The following SPATA31H1 variants were observed in gnomAD, a reference collection of about 807,000 sequenced individuals.
SPATA31H1 encodes the protein spermatogenesis-associated protein 31H1.
At chr2:27,569,131 A>G in the SPATA31H1 span, 1 of 399,004 alleles carries the variant, frequency 2.5e-6, no homozygotes, top group Non-Finnish European at 4.4e-6. Flanking sequence ...AAGACAATGC[A>G]CCAACTTGGA....
At chr2:27,580,474 G>C in the SPATA31H1 span, 1 of 1,614,092 alleles carries the variant, frequency 6.2e-7, no homozygotes, top group South Asian at 1.1e-5. Flanking sequence ...AGAAAACACA[G>C]AAAGTTCTAC....
chr2:27,581,382 A>G, the SPATA31H1 span: 1 of 1,613,814 alleles, frequency 6.2e-7, no homozygotes, highest in Non-Finnish European at 8.5e-7. Flanking sequence ...TCCTTCTGAG[A>G]GAAGCTGGCG....
the SPATA31H1 span, among the ~76,000 whole-genome samples, chr2:27,562,572 T>C: frequency 0.076 from 11,164 of 147,844 alleles, 1,449 homozygotes; most frequent in African/African-American, 0.26. Flanking sequence ...CACACACACA[T>C]ATATATAATT....
chr2:27,580,106 C>G, the SPATA31H1 span: 1 of 1,614,154 alleles, frequency 6.2e-7, no homozygotes, highest in Non-Finnish European at 8.5e-7. Context: ...GATCCCAAAT[C>G]TCAAAGTATC....
chr2:27,571,227 G>A, the SPATA31H1 span: 1,474 of 398,458 alleles, frequency 3.7e-3, 32 homozygotes, highest in African/African-American at 0.028. Context: ...TGTAAAACTT[G>A]AGGAGGTAAC....
chr2:27,544,227 C>G, the SPATA31H1 span, among the ~76,000 whole-genome samples: 1 of 151,736 alleles, frequency 6.6e-6, no homozygotes, highest in Non-Finnish European at 1.5e-5. Context: ...AATTGAATAC[C>G]ATAAAATGCA....
At chr2:27,548,830 T>A in the SPATA31H1 span, among the ~76,000 whole-genome samples, 1 of 151,712 alleles carries the variant, frequency 6.6e-6, no homozygotes, top group Admixed American at 6.6e-5. Flanking sequence ...CCCAGCACTT[T>A]GGGAGGCCGA....
chr2:27,546,594 G>A, the SPATA31H1 span, among the ~76,000 whole-genome samples: 1 of 152,020 alleles, frequency 6.6e-6, no homozygotes, highest in Non-Finnish European at 1.5e-5. Context: ...GTGCAGTGGT[G>A]TGATTACAGC....
the SPATA31H1 span, among the ~76,000 whole-genome samples, chr2:27,548,300 C>T: frequency 1.1e-4 from 17 of 151,878 alleles, 1 homozygote; most frequent in African/African-American, 4.1e-4. Flanking sequence ...CATCAAATAC[C>T]CTTCAGCATT....
chr2:27,580,882 C>G, the SPATA31H1 span: 1 of 1,614,150 alleles, frequency 6.2e-7, no homozygotes. Context: ...CAGTGCAGAT[C>G]AGCTCAACAG....
chr2:27,555,942 G>A, the SPATA31H1 span, among the ~76,000 whole-genome samples: 3 of 151,696 alleles, frequency 2.0e-5, no homozygotes, highest in Admixed American at 6.6e-5. Flanking sequence ...GACCATCCTG[G>A]CCAACATGGT....
At chr2:27,569,536 C>A in the SPATA31H1 span, 1 of 398,782 alleles carries the variant, frequency 2.5e-6, no homozygotes, top group Non-Finnish European at 4.4e-6. Flanking sequence ...TTGATAGGAT[C>A]TAAAAAGTTA....
chr2:27,582,179 ACACAGTTCCTCTGGGAAAACCTGT>A, the SPATA31H1 span: 2 of 1,610,760 alleles, frequency 1.2e-6, no homozygotes, highest in African/African-American at 1.4e-5. Context: ...AGAGGAGAGG[ACACAGTTCCTCTGGGAAAACCTGT>A]CACAGTCCCT....
chr2:27,561,684 A>G, the SPATA31H1 span, among the ~76,000 whole-genome samples: 27 of 152,044 alleles, frequency 1.8e-4, no homozygotes, highest in African/African-American at 6.5e-4. Flanking sequence ...ATTTTTCTCT[A>G]TAATGAGCCA....
the SPATA31H1 span, chr2:27,565,530 C>T: frequency 1.5e-6 from 1 of 660,596 alleles, no homozygotes; most frequent in Non-Finnish European, 2.8e-6. Context: ...TTTCTAGCAT[C>T]TCCATGTCTA....
At chr2:27,538,826 G>A in the SPATA31H1 span, among the ~76,000 whole-genome samples, 3 of 151,042 alleles carry the variant, frequency 2.0e-5, no homozygotes, top group Non-Finnish European at 4.4e-5. Flanking sequence ...GCGAGACTCT[G>A]TCTCAAAAAA....
At chr2:27,565,534 A>T in the SPATA31H1 span, 2 of 656,288 alleles carry the variant, frequency 3.0e-6, no homozygotes, top group Non-Finnish European at 5.6e-6. Flanking sequence ...TAGCATCTCC[A>T]TGTCTAAAGA....
At chr2:27,575,102 A>T in the SPATA31H1 span, 2 of 398,416 alleles carry the variant, frequency 5.0e-6, no homozygotes, top group Non-Finnish European at 8.9e-6. The surrounding 1 kb of genome is among the most constrained non-coding windows in gnomAD (Gnocchi z 4.1). Context: ...TGAAATCTGT[A>T]GAATATAATC....
the SPATA31H1 span, chr2:27,579,490 T>G: frequency 4.8e-5 from 77 of 1,614,088 alleles, no homozygotes; most frequent in Non-Finnish European, 6.4e-5. Context: ...AAGAAAAGAA[T>G]GGCCTTAAGG....
Sources: allele counts gnomAD v4.1 joint callset (sites outside exome capture counted in the v4.1 genomes callset), GRCh38; gene constraint gnomAD v4.1.1; non-coding constraint Gnocchi (gnomAD v3.1); transcripts MANE v1.5; gene names NCBI Gene and HGNC (gene_info 2026-07-23, HGNC 2026-07-21).